The following FNDC3A variants were observed in gnomAD, a reference collection of about 807,000 sequenced individuals.
The protein encoded by FNDC3A is fibronectin type III domain containing 3A.
In FNDC3A, 32 loss-of-function variants were observed where a neutral mutation model predicts 148.9. That is an observed-to-expected ratio of 0.21 (90% CI 0.16 to 0.29). The LOEUF (loss-of-function observed/expected upper bound fraction) is 0.29. FNDC3A is among the 10% of genes least tolerant of loss of function. The probability of loss-of-function intolerance (pLI) is 1.00; values close to 1 mark genes in which losing one functional copy is unlikely to be tolerated. For synonymous variants in FNDC3A, 472 were observed against 473.6 expected, an observed-to-expected ratio of 1.00 and a Z score of 0.04; for missense variants, 1,191 against 1,452.8, an observed-to-expected ratio of 0.82 and a Z score of 2.93.
intron 3 of FNDC3A, among the ~76,000 whole-genome samples, chr13:49,093,700 A>G (rs1487182476): frequency 2.6e-5 from 4 of 152,174 alleles, no homozygotes. Flanking sequence ...TCATAGTCCA[A>G]CAATGATTAG....
chr13:49,125,402 A>G (rs1328536813), intron 4 of FNDC3A, among the ~76,000 whole-genome samples: 1 of 152,218 alleles, frequency 6.6e-6, no homozygotes, highest in Non-Finnish European at 1.5e-5. Context: ...TGTTTGTTAA[A>G]TGAATGGCCT....
rs148228545 is a variant in FNDC3A, at chr13:49,054,572, T to G, written c.100-20717T>G. Among the ~76,000 whole-genome samples, 607 of 152,354 alleles carry G rather than the reference T, an allele frequency of 4.0e-3. 2 individuals carry two copies. The highest frequency in any genetic ancestry group is 0.014 in the African/African-American group (570 of 41,588). ...GTTCTCATAGTGCATATTTCTGCAC[T>G]CTCACCTTTCTCATCTCCAGATGGG... On this transcript the variant is annotated intron_variant, in intron 2 of 25. Transcript: ENST00000492622.
intron 3 of FNDC3A, among the ~76,000 whole-genome samples, chr13:49,105,364 C>A (rs1301030170): frequency 1.3e-5 from 2 of 152,168 alleles, no homozygotes; most frequent in Non-Finnish European, 2.9e-5. Flanking sequence ...GAAACATTTG[C>A]ACATGTGAGC....
chr13:49,058,449 G>T (rs1876419092), intron 2 of FNDC3A, among the ~76,000 whole-genome samples: 1 of 152,068 alleles, frequency 6.6e-6, no homozygotes, highest in East Asian at 1.9e-4. Context: ...TTCTTTGGAG[G>T]CAGAAATTGG....
At chr13:49,017,757 G>A (rs1396819629) in intron 2 of FNDC3A, among the ~76,000 whole-genome samples, 1 of 151,900 alleles carries the variant, frequency 6.6e-6, no homozygotes, top group Non-Finnish European at 1.5e-5. Flanking sequence ...TCCTTTCCAT[G>A]TTTAGCGCTT....
chr13:49,120,414 A>G (rs1344861162), intron 4 of FNDC3A, among the ~76,000 whole-genome samples: 1 of 152,242 alleles, frequency 6.6e-6, no homozygotes, highest in African/African-American at 2.4e-5. Context: ...CATCGACTCT[A>G]TGAAGAGACT....
chr13:49,158,914 A>G (rs1383492330), intron 8 of FNDC3A, among the ~76,000 whole-genome samples: 2 of 152,218 alleles, frequency 1.3e-5, no homozygotes, highest in Non-Finnish European at 2.9e-5. Context: ...AGGTTTGTCA[A>G]AGATCAGATG....
intron 7 of FNDC3A, among the ~76,000 whole-genome samples, chr13:49,144,035 A>C (rs4942803): frequency 0.57 from 82,038 of 144,786 alleles, 23,488 homozygotes; most frequent in East Asian, 0.65. Context: ...ACTACTACTA[A>C]TAATAATAAT....
rs1566306148 is a variant in FNDC3A, at chr13:49,174,424, A to G, written c.1231-11A>G. On this transcript the variant is annotated splice_polypyrimidine_tract_variant and intron_variant, in intron 11 of 25. Coordinates refer to ENST00000492622, the MANE Select transcript of FNDC3A (RefSeq NM_001079673.2). ...TGTACATGGTATATAATAATCAGCC[A>G]TTTCTTGTAGGGAAAAGGAAATGGA... 6.2e-7 allele frequency: 1 copy of G among 1,607,462 alleles called. No homozygotes were observed. The highest frequency in any genetic ancestry group is 1.3e-5 in the African/African-American group (1 of 74,892).
At chr13:49,067,259 T>G (rs1354853807) in intron 2 of FNDC3A, among the ~76,000 whole-genome samples, 1 of 152,254 alleles carries the variant, frequency 6.6e-6, no homozygotes, top group Non-Finnish European at 1.5e-5. Flanking sequence ...TGCCTACATT[T>G]ATGCTTTAAA....
chr13:49,041,865 C>G (rs1434176924), intron 2 of FNDC3A, among the ~76,000 whole-genome samples: 4 of 150,778 alleles, frequency 2.7e-5, no homozygotes, highest in African/African-American at 7.3e-5. Context: ...CAGCCAGGCT[C>G]TAAGGTGTGG....
At chr13:49,092,857 T>C (rs1171929796) in intron 3 of FNDC3A, among the ~76,000 whole-genome samples, 3 of 152,200 alleles carry the variant, frequency 2.0e-5, no homozygotes, top group Non-Finnish European at 2.9e-5. Flanking sequence ...TATATTGTTA[T>C]TTGTCTTTTT....
At chr13:49,063,432 A>G (rs1877035206) in intron 2 of FNDC3A, among the ~76,000 whole-genome samples, 1 of 152,332 alleles carries the variant, frequency 6.6e-6, no homozygotes. Context: ...AATTCATGGA[A>G]GTAGAGCTTA....
At chr13:49,189,051 C>CA (rs939306108) in intron 17 of FNDC3A, among the ~76,000 whole-genome samples, 2 of 152,000 alleles carry the variant, frequency 1.3e-5, no homozygotes, top group Non-Finnish European at 2.9e-5. Flanking sequence ...TTACTTACTT[C>CA]AAAAAAGTTG....
intron 2 of FNDC3A, among the ~76,000 whole-genome samples, chr13:49,049,516 T>TC (rs1487289056): frequency 6.6e-6 from 1 of 152,116 alleles, no homozygotes; most frequent in African/African-American, 2.4e-5. Flanking sequence ...CAGAGATTCT[T>TC]CATCTTCCTG....
rs1270392857 is a variant in FNDC3A at position 49,188,588 on chromosome 13, C to T, written c.1899C>T (p.Phe633=). 6.2e-7 allele frequency: 1 copy of T among 1,613,840 alleles called. No homozygotes were observed. Among genetic ancestry groups the T allele is most frequent in the Admixed American group, 1.7e-5 (1 of 60,020 alleles). The change falls in exon 17 of 26, where the codon TTC becomes TTT. Residue 633 remains phenylalanine (F), a synonymous_variant. Transcript: ENST00000492622. ...HLCDRLNPGC[F]YRLRVYCISD... The stretch of plus-strand genomic sequence containing the variant: ...GTGATCGACTGAATCCAGGCTGTTT[C>T]TATCGTTTACGAGTTTACTGCATCA...
At chr13:49,127,077 T>C (rs189240782) in intron 4 of FNDC3A, among the ~76,000 whole-genome samples, 17 of 152,272 alleles carry the variant, frequency 1.1e-4, no homozygotes, top group Non-Finnish European at 2.1e-4. Flanking sequence ...CAAACTCTGT[T>C]TCCTCATCTG....
At chr13:48,981,832 G>T (rs202022381) in intron 1 of FNDC3A, among the ~76,000 whole-genome samples, 1 of 118 alleles carries the variant, frequency 8.5e-3, no homozygotes, top group Admixed American at 0.12. Context: ...CAGAAATGCT[G>T]GGGGAAAAAA....
At chr13:49,067,199 T>A (rs1216497335) in intron 2 of FNDC3A, among the ~76,000 whole-genome samples, 1 of 152,234 alleles carries the variant, frequency 6.6e-6, no homozygotes. Flanking sequence ...TTTTGGGTTA[T>A]TTGTAGATTT....
Sources: gnomAD v4.1 joint callset for allele counts (sites outside exome capture counted in the v4.1 genomes callset) on GRCh38, gnomAD v4.1.1 for gene constraint, MANE v1.5 for transcripts, NCBI Gene and HGNC (gene_info 2026-07-23, HGNC 2026-07-21) for gene names.